The following TOX variants were observed in gnomAD, a reference collection of about 807,000 sequenced individuals.
The protein encoded by TOX is thymocyte selection-associated high mobility group box protein TOX.
A neutral mutation model predicts 53.7 loss-of-function variants in TOX; 11 were observed. That is an observed-to-expected ratio of 0.20 (90% CI 0.13 to 0.34). The LOEUF is 0.34. TOX is among the 10% of genes least tolerant of loss of function. The pLI, the probability that TOX is intolerant of heterozygous loss-of-function variation, is 1.00. For missense variants in TOX, 570 were observed against 664.6 expected, an observed-to-expected ratio of 0.86 and a Z score of 1.56; for synonymous variants, 225 against 245.3, an observed-to-expected ratio of 0.92 and a Z score of 0.77.
At chr8:59,036,673 C>T (rs534038170) in intron 1 of TOX, among the ~76,000 whole-genome samples, 2 of 152,108 alleles carry the variant, frequency 1.3e-5, no homozygotes, top group Non-Finnish European at 2.9e-5. Flanking sequence ...GTAATTCATC[C>T]ATCTTTTTCT....
chr8:58,891,626 G>A (rs1811562772), intron 3 of TOX, among the ~76,000 whole-genome samples: 1 of 152,184 alleles, frequency 6.6e-6, no homozygotes, highest in African/African-American at 2.4e-5. Context: ...AGACCCTTCA[G>A]GATGGGAAAA....
chr8:58,824,012 T>C (rs1255496483), intron 6 of TOX, among the ~76,000 whole-genome samples: 1 of 152,158 alleles, frequency 6.6e-6, no homozygotes, highest in African/African-American at 2.4e-5. Flanking sequence ...TAACACAGCT[T>C]TTCATGAACA....
chr8:59,060,226 G>A (rs1803957280), intron 1 of TOX, among the ~76,000 whole-genome samples: 1 of 152,148 alleles, frequency 6.6e-6, no homozygotes, highest in South Asian at 2.1e-4. Flanking sequence ...GTGTCTTTAT[G>A]TCTTTTCATG....
intron 3 of TOX, among the ~76,000 whole-genome samples, chr8:58,864,109 T>C (rs1431816236): frequency 2.0e-5 from 3 of 152,156 alleles, no homozygotes; most frequent in Non-Finnish European, 2.9e-5. Context: ...AGTAATGATA[T>C]GTCTAAGATA....
At chr8:58,873,957 G>GTTTTTTTTTTTT (rs1585873069) in intron 3 of TOX, among the ~76,000 whole-genome samples, 1 of 43,990 alleles carries the variant, frequency 2.3e-5, no homozygotes, top group African/African-American at 3.1e-4. Flanking sequence ...ATGCCAGGAA[G>GTTTTTTTTTTTT]CTTTTTTTTT....
At chr8:58,908,500 C>G (rs916944875) in intron 3 of TOX, among the ~76,000 whole-genome samples, 2 of 152,166 alleles carry the variant, frequency 1.3e-5, no homozygotes, top group African/African-American at 4.8e-5. Context: ...TTTTACTCTT[C>G]CAAATTCTAC....
chr8:59,107,043 TGC>T (rs1161245812), intron 1 of TOX, among the ~76,000 whole-genome samples: 18 of 54,730 alleles, frequency 3.3e-4, no homozygotes, highest in African/African-American at 1.9e-3. Flanking sequence ...TAAAGCAGTT[TGC>T]TGGGGGGGGG....
At chr8:58,936,354 G>C (rs975536687) in intron 3 of TOX, among the ~76,000 whole-genome samples, 1 of 152,044 alleles carries the variant, frequency 6.6e-6, no homozygotes, top group Admixed American at 6.6e-5. Flanking sequence ...TTTCAACTAA[G>C]AGTTCCTACT....
intron 2 of TOX, among the ~76,000 whole-genome samples, chr8:58,954,172 CT>C (rs1000642757): frequency 6.6e-6 from 1 of 152,016 alleles, no homozygotes; most frequent in African/African-American, 2.4e-5. Flanking sequence ...CTCTTTGAGT[CT>C]TGTACTTGAA....
chr8:58,821,118 T>A (rs546480912), intron 6 of TOX, among the ~76,000 whole-genome samples: 1 of 152,148 alleles, frequency 6.6e-6, no homozygotes, highest in Admixed American at 6.6e-5. Context: ...AAGAAAACTA[T>A]AGATGAATGC....
At chr8:59,050,372 AT>A (rs1803765561) in intron 1 of TOX, among the ~76,000 whole-genome samples, 1 of 152,120 alleles carries the variant, frequency 6.6e-6, no homozygotes, top group Non-Finnish European at 1.5e-5. Flanking sequence ...TGAACCACAC[AT>A]GACTACTCAA....
chr8:59,073,929 A>C (rs963254254), intron 1 of TOX, among the ~76,000 whole-genome samples: 2 of 152,202 alleles, frequency 1.3e-5, no homozygotes, highest in African/African-American at 4.8e-5. Context: ...TACTTTTCAA[A>C]GTTCATAAAG....
chr8:59,027,832 T>C (rs552249187), intron 1 of TOX, among the ~76,000 whole-genome samples: 2 of 152,282 alleles, frequency 1.3e-5, no homozygotes, highest in East Asian at 3.9e-4. Flanking sequence ...TTCTATATAT[T>C]TGAACATGGT....
intron 3 of TOX, among the ~76,000 whole-genome samples, chr8:58,868,322 T>C (rs572656314): frequency 5.1e-4 from 78 of 152,358 alleles, no homozygotes; most frequent in African/African-American, 1.9e-3. Context: ...AACAGACTAA[T>C]AGAATTTTGT....
intron 1 of TOX, among the ~76,000 whole-genome samples, chr8:58,999,103 T>C (rs1231234358): frequency 6.6e-6 from 1 of 152,196 alleles, no homozygotes; most frequent in African/African-American, 2.4e-5. Flanking sequence ...TAAATGCAAA[T>C]TGTTTTTTGG....
chr8:59,076,477 A>T (rs895520516), intron 1 of TOX, among the ~76,000 whole-genome samples: 1 of 152,130 alleles, frequency 6.6e-6, no homozygotes, highest in Non-Finnish European at 1.5e-5. Context: ...TAACTACTTA[A>T]TTTTTTTTAA....
chr8:58,911,494 AT>A, intron 3 of TOX, among the ~76,000 whole-genome samples: 1 of 152,286 alleles, frequency 6.6e-6, no homozygotes, highest in Admixed American at 6.5e-5. Flanking sequence ...ACTATTTTTA[AT>A]AATGTAAGGA....
At chr8:58,900,207 C>A (rs1236112904) in intron 3 of TOX, among the ~76,000 whole-genome samples, 1 of 151,914 alleles carries the variant, frequency 6.6e-6, no homozygotes, top group African/African-American at 2.4e-5. Context: ...AAACAGTGGC[C>A]CAACATAACT....
At chr8:58,896,171 A>G (rs1378743357) in intron 3 of TOX, among the ~76,000 whole-genome samples, 1 of 152,146 alleles carries the variant, frequency 6.6e-6, no homozygotes, top group Non-Finnish European at 1.5e-5. Flanking sequence ...CAGTCCTGAC[A>G]CAGACAGACG....
Sources: allele counts gnomAD v4.1 joint callset (sites outside exome capture counted in the v4.1 genomes callset), GRCh38; gene constraint gnomAD v4.1.1; transcripts MANE v1.5; gene names NCBI Gene and HGNC (gene_info 2026-07-23, HGNC 2026-07-21).